MAD1L1: variants seen among roughly 807,000 people sequenced by gnomAD.
The protein encoded by MAD1L1 is mitotic arrest deficient 1 like 1.
MAD1L1 carries 95 observed loss-of-function variants against 96.9 expected under a neutral mutation model. The ratio of observed to expected loss-of-function variants is 0.98; its 90% CI spans 0.83 to 1.16. The LOEUF is 1.16. MAD1L1 is among the 50% of genes most tolerant of loss of function. The pLI is 0.00. For synonymous variants in MAD1L1, 473 were observed against 396.6 expected (o/e 1.19, Z -2.29); for missense variants, 1,007 against 954.4 (o/e 1.06, Z -0.73).
At chr7:2,053,021 G>A (rs1365893130) in intron 12 of MAD1L1, among the ~76,000 whole-genome samples, 2 of 152,196 alleles carry the variant, frequency 1.3e-5, no homozygotes, top group Admixed American at 6.5e-5. Flanking sequence ...CGCCTCCAGT[G>A]CCTGCATCTG....
intron 10 of MAD1L1, among the ~76,000 whole-genome samples, chr7:2,207,666 A>G (rs1319658032): frequency 1.3e-5 from 2 of 152,192 alleles, no homozygotes; most frequent in African/African-American, 2.4e-5. Flanking sequence ...CCTTTATAAG[A>G]CATGACTAAA....
At chr7:2,012,254 C>A (rs144309487) in intron 13 of MAD1L1, among the ~76,000 whole-genome samples, 88 of 152,334 alleles carry the variant, frequency 5.8e-4, no homozygotes, top group African/African-American at 2.0e-3. Context: ...CACAAAACAC[C>A]AGAACCCAGG....
chr7:1,975,628 T>G (rs1780602380), intron 15 of MAD1L1, among the ~76,000 whole-genome samples: 1 of 152,142 alleles, frequency 6.6e-6, no homozygotes, highest in Non-Finnish European at 1.5e-5. Context: ...GATGATAATT[T>G]CTACAAAAGA....
chr7:1,975,875 A>G (rs530664233), intron 15 of MAD1L1, among the ~76,000 whole-genome samples: 1 of 152,280 alleles, frequency 6.6e-6, no homozygotes, highest in Admixed American at 6.5e-5. Context: ...ACTAGCAGGC[A>G]CTGGCACAGA....
chr7:1,901,872 G>A (rs545211252), intron 17 of MAD1L1, among the ~76,000 whole-genome samples: 107 of 152,276 alleles, frequency 7.0e-4, no homozygotes, highest in African/African-American at 2.4e-3. Context: ...CCTAGATACC[G>A]GCCCTCCTCG....
chr7:1,886,107 C>A (rs1040993318), intron 18 of MAD1L1, among the ~76,000 whole-genome samples: 2 of 152,228 alleles, frequency 1.3e-5, no homozygotes, highest in Admixed American at 6.5e-5. Flanking sequence ...GCATGTTTAC[C>A]TTCTCGTCAG....
At chr7:1,905,572 C>T (rs971346388) in intron 17 of MAD1L1, among the ~76,000 whole-genome samples, 1 of 152,238 alleles carries the variant, frequency 6.6e-6, no homozygotes, top group African/African-American at 2.4e-5. Flanking sequence ...ATTGATGAAG[C>T]ACTGTTCCAG....
At chr7:2,099,644 TGG>T (rs1786676176) in intron 11 of MAD1L1, among the ~76,000 whole-genome samples, 3 of 152,048 alleles carry the variant, frequency 2.0e-5, no homozygotes, top group African/African-American at 7.2e-5. Flanking sequence ...AAGTCAGCAC[TGG>T]GAGATTCATT....
intron 18 of MAD1L1, among the ~76,000 whole-genome samples, chr7:1,841,276 G>A (rs1042073181): frequency 1.3e-5 from 2 of 152,232 alleles, no homozygotes; most frequent in African/African-American, 4.8e-5. Context: ...ACTCACATGG[G>A]GGGCGAGGAC....
intron 18 of MAD1L1, among the ~76,000 whole-genome samples, chr7:1,887,328 C>G (rs10950425): frequency 0.7 from 105,140 of 149,612 alleles, 37,369 homozygotes; most frequent in African/African-American, 0.84. Flanking sequence ...CATGCGCATG[C>G]GTGGCTGCCT....
intron 10 of MAD1L1, among the ~76,000 whole-genome samples, chr7:2,206,107 G>C (rs1006124208): frequency 6.6e-6 from 1 of 152,156 alleles, no homozygotes; most frequent in Non-Finnish European, 1.5e-5. Flanking sequence ...ACTCCAGCCT[G>C]GGCGACAGAG....
At chr7:2,149,000 A>G (rs1789441874) in intron 11 of MAD1L1, 152 bp downstream of exon 11, 2 of 678,956 alleles carry the variant, frequency 2.9e-6, no homozygotes, top group African/African-American at 1.8e-5. Flanking sequence ...CCCTTCCCTC[A>G]AATCCCTGCT....
intron 16 of MAD1L1, among the ~76,000 whole-genome samples, chr7:1,947,103 G>A (rs11765639): frequency 0.29 from 43,930 of 152,180 alleles, 7,592 homozygotes; most frequent in East Asian, 0.45. Context: ...CCTCCCTTCC[G>A]GCCAAAATGC....
intron 14 of MAD1L1, among the ~76,000 whole-genome samples, chr7:1,983,227 C>G (rs1011320515): frequency 3.3e-5 from 5 of 152,034 alleles, no homozygotes. Context: ...GTCAATACAA[C>G]ACTTCCAGAA....
Position 2,004,088 on chromosome 7 carries a change from G to T in MAD1L1, c.1360-1967C>A, listed in dbSNP as rs182137548. 2.0e-3 allele frequency among the ~76,000 whole-genome samples: 305 copies of T among 152,268 alleles called. 2 individuals are homozygous for T. Among genetic ancestry groups the T allele is most frequent in the Non-Finnish European group, 3.6e-3 (244 of 68,010 alleles). On this transcript the variant is annotated intron_variant, in intron 13 of 18. Coordinates refer to ENST00000265854, the MANE Select transcript of MAD1L1 (RefSeq NM_001013836.2). ...CCCTGGGCAGAGCCTCAGCACATGG[G>T]AGGCAGCTGCAGTCCACACTCAGGC...
chr7:1,957,771 G>C (rs765946114), intron 15 of MAD1L1, 52 bp from the exon 16 acceptor site: 4 of 1,558,452 alleles, frequency 2.6e-6, no homozygotes, highest in East Asian at 4.5e-5. Flanking sequence ...CCATGCTGGG[G>C]AAGTCCCACC....
chr7:2,132,304 G>C (rs1192590307), intron 11 of MAD1L1, among the ~76,000 whole-genome samples: 1 of 152,230 alleles, frequency 6.6e-6, no homozygotes, highest in Non-Finnish European at 1.5e-5. Flanking sequence ...CAAGTCCACA[G>C]TGGACACGTG....
intron 11 of MAD1L1, among the ~76,000 whole-genome samples, chr7:2,075,416 G>A (rs1046876915): frequency 6.6e-6 from 1 of 152,218 alleles, no homozygotes; most frequent in Admixed American, 6.5e-5. Flanking sequence ...CCCTGTTGGG[G>A]ATGTTCTCTC....
At chr7:2,031,084 A>G (rs1452155133) in intron 12 of MAD1L1, among the ~76,000 whole-genome samples, 1 of 152,206 alleles carries the variant, frequency 6.6e-6, no homozygotes, top group African/African-American at 2.4e-5. Context: ...TCCTCCCTCC[A>G]GCAGCCAGCT....
Sources: gnomAD v4.1 joint callset for allele counts (sites outside exome capture counted in the v4.1 genomes callset) on GRCh38, gnomAD v4.1.1 for gene constraint, MANE v1.5 for transcripts, NCBI Gene and HGNC (gene_info 2026-07-23, HGNC 2026-07-21) for gene names.